Variants in PCDHGB3 observed in about 807,000 individuals in gnomAD.
PCDHGB3 encodes the protein protocadherin gamma-B3.
In PCDHGB3, 40 loss-of-function variants were observed where a neutral mutation model predicts 59.2. The observed-to-expected ratio is 0.68, with a 90% CI of 0.52 to 0.88. The LOEUF (loss-of-function observed/expected upper bound fraction) is 0.88. Ranked by LOEUF, PCDHGB3 falls within the 40% of genes least tolerant of loss-of-function variation. PCDHGB3 has a pLI of 0.00. For missense variants in PCDHGB3, 1,309 were observed against 1,187.9 expected (o/e 1.10, Z -1.50); for synonymous variants, 581 against 503.6 (o/e 1.15, Z -2.06).
chr5:141,499,689 C>CTTTT (rs545067566), intron 2 of PCDHGB3, among the ~76,000 whole-genome samples: 17 of 119,848 alleles, frequency 1.4e-4, no homozygotes, highest in East Asian at 2.4e-4. Context: ...TAACAGATGA[C>CTTTT]TTTTTTTTTT....
At chr5:141,436,752 A>G (rs2097844842) in intron 1 of PCDHGB3, among the ~76,000 whole-genome samples, 2 of 152,194 alleles carry the variant, frequency 1.3e-5, no homozygotes, top group South Asian at 4.1e-4. Context: ...GCTTCTCCAT[A>G]TGGTATAATG....
At chr5:141,410,192 T>G (rs748013890) in intron 1 of PCDHGB3, 1 of 1,613,980 alleles carries the variant, frequency 6.2e-7, no homozygotes, top group Non-Finnish European at 8.5e-7. Context: ...TCATCTGGTC[T>G]TCGCAGACAA....
intron 1 of PCDHGB3, chr5:141,419,610 C>G: frequency 1.9e-6 from 3 of 1,612,130 alleles, no homozygotes; most frequent in Middle Eastern, 1.8e-4. Flanking sequence ...GCCGCGCAGC[C>G]AGGCTACCTG....
chr5:141,409,725 G>A (rs1416188591), intron 1 of PCDHGB3: 1 of 1,613,172 alleles, frequency 6.2e-7, no homozygotes, highest in Non-Finnish European at 8.5e-7. Context: ...GTGTCAGTGA[G>A]CGCGCAGAGC....
chr5:141,418,579 A>C, intron 1 of PCDHGB3: 1 of 1,614,000 alleles, frequency 6.2e-7, no homozygotes. Context: ...ACAACCCCCC[A>C]GTGTTCAGCC....
rs930862898 is a variant in PCDHGB3 at position 141,480,073 on chromosome 5, C to A, written c.2416-14734C>A. ...GGAATAATAAGTGTTTTATAAGATT[C>A]ATGCATGATATAATGTATGCAAAGT... On this transcript the variant is annotated intron_variant, in intron 1 of 3. Coordinates refer to ENST00000576222, the MANE Select transcript of PCDHGB3 (RefSeq NM_018924.5). Among the ~76,000 whole-genome samples, 5 of 152,174 alleles carry A rather than the reference C, an allele frequency of 3.3e-5. No homozygotes were observed. In the South Asian group the frequency reaches 8.3e-4, roughly 25 times the overall value.
chr5:141,442,894 C>T (rs1173211061), intron 1 of PCDHGB3, among the ~76,000 whole-genome samples: 1 of 152,204 alleles, frequency 6.6e-6, no homozygotes, highest in Non-Finnish European at 1.5e-5. Flanking sequence ...CCCTGCTTAT[C>T]ACTTCTCCTT....
intron 1 of PCDHGB3, chr5:141,441,697 C>T: frequency 6.5e-6 from 2 of 307,306 alleles, no homozygotes; most frequent in Non-Finnish European, 1.3e-5. Flanking sequence ...CAGCCGCGAG[C>T]CTTCAAGCTC....
intron 1 of PCDHGB3, chr5:141,428,232 G>C (rs546567556): frequency 9.3e-7 from 1 of 1,071,494 alleles, no homozygotes; most frequent in African/African-American, 1.5e-5. Context: ...CAGACAGCCT[G>C]CAGGAGGCAC....
chr5:141,393,120 C>T lies in PCDHGB3; in HGVS notation c.2415+20311C>T, dbSNP rs142751758. The T allele has an allele frequency of 9.0e-3, 14,600 of 1,613,382 alleles. 101 individuals carry two copies. The highest frequency in any genetic ancestry group is 0.01 in the Non-Finnish European group (11,861 of 1,179,884). On this transcript the variant is annotated intron_variant, in intron 1 of 3. Transcript: ENST00000576222. ...GCTCTGCGCTCAGAGCCCGCGGTGT[C>T]TGATAAATATTAACACCCTGGTTGA...
At chr5:141,492,576 G>A (rs2099742137) in intron 1 of PCDHGB3, among the ~76,000 whole-genome samples, 1 of 152,234 alleles carries the variant, frequency 6.6e-6, no homozygotes, top group Admixed American at 6.5e-5. Context: ...AGCGAGGCGC[G>A]GGGCCAGGAG....
chr5:141,390,526 T>C, intron 1 of PCDHGB3: 1 of 548,274 alleles, frequency 1.8e-6, no homozygotes, highest in East Asian at 3.2e-5. Context: ...AATGAGGGTG[T>C]GGTTTTAACC....
At position 141,463,610 on chromosome 5, in the gene PCDHGB3, G is replaced by T. The variant is rs189991450; in HGVS notation, c.2416-31197G>T. Among the ~76,000 whole-genome samples, 263 of 151,786 alleles carry T rather than the reference G, an allele frequency of 1.7e-3. 1 individual carries two copies. The highest frequency in any genetic ancestry group is 3.4e-3 in the Middle Eastern group (1 of 292). ...ACTACAGGTGCCTGCCACCATGCCC[G>T]GCTAATTTTTTGTATTTTGTTTAGT... On this transcript the variant is annotated intron_variant, in intron 1 of 3. Transcript: ENST00000576222.
intron 1 of PCDHGB3, chr5:141,396,593 C>T (rs940440050): frequency 6.0e-5 from 9 of 151,044 alleles, no homozygotes; most frequent in Non-Finnish European, 1.2e-4. Flanking sequence ...GCACTCCAGC[C>T]TGGGCAACAG....
At position 141,512,881 on chromosome 5, in the gene PCDHGB3, C is replaced by T. The variant is rs1274589284; in HGVS notation, c.*1708C>T. 1.3e-5 allele frequency: 2 copies of T among 152,268 alleles called. No homozygotes were observed. Among genetic ancestry groups the T allele is most frequent in the African/African-American group, 4.8e-5 (2 of 41,458 alleles). 9.4% of individuals were successfully genotyped at this position (152,268 alleles called of 1,614,324 possible). On this transcript the variant is annotated 3_prime_UTR_variant, in exon 4 of 4. Coordinates refer to ENST00000576222, the MANE Select transcript of PCDHGB3 (RefSeq NM_018924.5). Reference sequence around the variant, plus strand: ...TCGCATAGTCACGTAGCTCCCACCCCACCCTCTTCCTGTGTCTCACGCAAG... The same window carrying T: ...TCGCATAGTCACGTAGCTCCCACCCTACCCTCTTCCTGTGTCTCACGCAAG...
chr5:141,388,923 T>C (rs374663443), intron 1 of PCDHGB3: 7 of 1,614,002 alleles, frequency 4.3e-6, no homozygotes, highest in East Asian at 2.2e-5. Context: ...AGAAGTGATA[T>C]TCCAGTCTCT....
chr5:141,510,323 C>A (rs1173679711), intron 3 of PCDHGB3, among the ~76,000 whole-genome samples: 1 of 151,234 alleles, frequency 6.6e-6, no homozygotes, highest in East Asian at 2.0e-4. Flanking sequence ...TGGAAGAGCA[C>A]TCTTCACCCC....
At position 141,408,540 on chromosome 5, in the gene PCDHGB3, C is replaced by T. The variant is rs201370009; in HGVS notation, c.2415+35731C>T. On this transcript the variant is annotated intron_variant, in intron 1 of 3. Transcript: ENST00000576222. ...CAATTGGAAGCTGTGGTGGAAAATCCTTTAAATATTTTTCATGTCATTGTG... is the reference window on the plus strand; with the variant it reads ...CAATTGGAAGCTGTGGTGGAAAATCTTTTAAATATTTTTCATGTCATTGTG... The T allele has an allele frequency of 1.6e-3, 2,593 of 1,614,046 alleles. 3 individuals are homozygous for T. Among genetic ancestry groups the T allele is most frequent in the Middle Eastern group, 4.5e-3 (27 of 6,062 alleles).
Position 141,423,752 on chromosome 5 carries a change from G to A in PCDHGB3, c.2415+50943G>A, listed in dbSNP as rs749899386. 4.7e-6 allele frequency: 3 copies of A among 644,956 alleles called. 1 individual carries two copies. The highest frequency in any genetic ancestry group is 1.1e-4 in the South Asian group (2 of 17,914). 40.0% of individuals were successfully genotyped at this position (644,956 alleles called of 1,614,324 possible). ...TTGAGCCTGTTATGAAAACTGTTTGGGGGGGGGGTGGGGCGGCATATATTT... is the reference window on the plus strand; with the variant it reads ...TTGAGCCTGTTATGAAAACTGTTTGAGGGGGGGGTGGGGCGGCATATATTT... On this transcript the variant is annotated intron_variant, in intron 1 of 3. Transcript: ENST00000576222.
Sources: allele counts gnomAD v4.1 joint callset (sites outside exome capture counted in the v4.1 genomes callset), GRCh38; gene constraint gnomAD v4.1.1; transcripts MANE v1.5; gene names NCBI Gene and HGNC (gene_info 2026-07-23, HGNC 2026-07-21).